Variants in ANKFN1 observed in about 807,000 individuals in gnomAD.
ANKFN1 encodes ankyrin repeat and fibronectin type III domain containing 1.
In ANKFN1, 74 loss-of-function variants were observed where a neutral mutation model predicts 108.7. The observed-to-expected ratio is 0.68, with a 90% CI of 0.56 to 0.83. The LOEUF (loss-of-function observed/expected upper bound fraction) is 0.83, where lower values mean the gene tolerates loss of function less well. ANKFN1 is among the 40% of genes least tolerant of loss of function. The pLI is 0.00. For synonymous variants in ANKFN1, 547 were observed against 516.2 expected, an observed-to-expected ratio of 1.06 and a Z score of -0.81; for missense variants, 1,505 against 1,382.3, an observed-to-expected ratio of 1.09 and a Z score of -1.41.
intron 15 of ANKFN1, chr17:56,473,647 CAAAAAAAAAAAAAA>C (rs956559502): frequency 1.0e-4 from 5 of 47,838 alleles, no homozygotes; most frequent in Admixed American, 8.0e-4. Context: ...GACTCCGTCT[CAAAAAAAAAAAAAA>C]AAAAAAAAAA....
rs146788562 is a variant in ANKFN1, at chr17:56,283,712, A to G, written c.54-42509A>G. Among the ~76,000 whole-genome samples the G allele has an allele frequency of 2.7e-4, 41 of 151,762 alleles. No individual in the cohort carries two copies. The East Asian group carries it at 8.0e-3, about 30-fold the overall frequency. On this transcript the variant is annotated intron_variant, in intron 3 of 20. Coordinates refer to ENST00000682825, the MANE Select transcript of ANKFN1 (RefSeq NM_001370326.1). ...ATGAGGATGCAAAGGCATAAGAATG[A>G]TTCAATGGACTTGGGAGACCTCAGG...
chr17:56,211,524 T>C (rs138218564), intron 1 of ANKFN1, among the ~76,000 whole-genome samples: 103 of 152,344 alleles, frequency 6.8e-4, no homozygotes, highest in Non-Finnish European at 1.2e-3. Flanking sequence ...TACTATAGTT[T>C]GAAGTCAGGT....
At position 56,085,806 on chromosome 17, in the gene ANKFN1, C is replaced by G. The variant is rs1357073310; in HGVS notation, c.288+39481C>G. Among the ~76,000 whole-genome samples the G allele has an allele frequency of 2.6e-5, 4 of 151,328 alleles. 1 individual carries two copies. Among genetic ancestry groups the G allele is most frequent in the Non-Finnish European group, 5.9e-5 (4 of 67,766 alleles). On this transcript the variant is annotated intron_variant, in intron 4 of 12. Transcript: ENST00000635860. The stretch of plus-strand genomic sequence containing the variant: ...GTCCCCACCACATGATGATGTCATT[C>G]TTGAGGGAGGCAGCTGGTTTACCAG...
intron 4 of ANKFN1, among the ~76,000 whole-genome samples, chr17:56,072,815 G>A (rs1905135587): frequency 6.6e-6 from 1 of 152,100 alleles, no homozygotes; most frequent in African/African-American, 2.4e-5. Flanking sequence ...GTGCAGATGA[G>A]GAGAGGAGAA....
intron 8 of ANKFN1, among the ~76,000 whole-genome samples, chr17:56,427,467 A>G (rs1016623194): frequency 6.6e-6 from 1 of 152,084 alleles, no homozygotes; most frequent in Non-Finnish European, 1.5e-5. Flanking sequence ...TGCCACATGT[A>G]GCTGATATGA....
At chr17:56,377,210 G>A (rs540108178) in intron 8 of ANKFN1, among the ~76,000 whole-genome samples, 1 of 152,132 alleles carries the variant, frequency 6.6e-6, no homozygotes, top group South Asian at 2.1e-4. Flanking sequence ...CTTAAGCTAG[G>A]GTGTATTTCA....
At chr17:56,168,139 T>C (rs1256249119) in intron 1 of ANKFN1, among the ~76,000 whole-genome samples, 2 of 152,058 alleles carry the variant, frequency 1.3e-5, no homozygotes, top group East Asian at 1.9e-4. Flanking sequence ...TGGTGGTGCA[T>C]GCCTGTAGTC....
At chr17:56,158,125 A>C (rs1281314725) in intron 1 of ANKFN1, among the ~76,000 whole-genome samples, 1 of 152,182 alleles carries the variant, frequency 6.6e-6, no homozygotes, top group Non-Finnish European at 1.5e-5. Flanking sequence ...CTTGCTGGGA[A>C]TGCTTCAGCC....
chr17:56,467,826 GAAAGAAAGAAAGAAAGAAAGAAAGAA>G (rs1367754629), intron 15 of ANKFN1, among the ~76,000 whole-genome samples: 9,780 of 63,128 alleles, frequency 0.15, 682 homozygotes, highest in East Asian at 0.25. Flanking sequence ...AAGAAAGAAA[GAAAGAAAGAAAGAAAGAAAGAAAGAA>G]AAAGGGAAAG....
intron 4 of ANKFN1, among the ~76,000 whole-genome samples, chr17:56,331,918 G>A (rs1036187997): frequency 9.9e-5 from 15 of 152,124 alleles, no homozygotes; most frequent in Admixed American, 6.6e-4. Context: ...AACTGAAATA[G>A]CACTTGCTTC....
intron 2 of ANKFN1, among the ~76,000 whole-genome samples, chr17:56,226,149 T>G (rs1413548210): frequency 1.3e-5 from 2 of 152,114 alleles, no homozygotes; most frequent in African/African-American, 4.8e-5. Flanking sequence ...TGTGTCAGGT[T>G]GTGATCAGAA....
upstream of ANKFN1, among the ~76,000 whole-genome samples, chr17:56,150,764 A>T (rs1467358531): frequency 6.6e-6 from 1 of 152,058 alleles, no homozygotes; most frequent in Admixed American, 6.6e-5. Context: ...CAAGACTCTC[A>T]TTCCATGATG....
At chr17:56,181,403 G>A (rs8069281) in intron 1 of ANKFN1, among the ~76,000 whole-genome samples, 2 of 152,154 alleles carry the variant, frequency 1.3e-5, no homozygotes, top group African/African-American at 4.8e-5. Flanking sequence ...TATATAAATA[G>A]TGTGTCATTT....
At chr17:56,501,213 G>A (rs962597348) in intron 20 of ANKFN1, among the ~76,000 whole-genome samples, 4 of 152,192 alleles carry the variant, frequency 2.6e-5, no homozygotes, top group Admixed American at 6.6e-5. Flanking sequence ...AGGGTAGAGA[G>A]CAAGACAGAA....
intron 13 of ANKFN1, 73 bp downstream of exon 13, chr17:56,457,462 G>C: frequency 1.4e-6 from 2 of 1,443,798 alleles, no homozygotes; most frequent in Non-Finnish European, 9.3e-7. Flanking sequence ...TGAAACATTA[G>C]TTGAGGGGTC....
At chr17:56,088,583 G>T (rs1905357119) in intron 4 of ANKFN1, among the ~76,000 whole-genome samples, 1 of 150,500 alleles carries the variant, frequency 6.6e-6, no homozygotes, top group Non-Finnish European at 1.5e-5. Context: ...TACTGCATAG[G>T]CCCTGTCTCC....
chr17:56,078,788 G>A (rs1905211431), intron 4 of ANKFN1, among the ~76,000 whole-genome samples: 1 of 152,210 alleles, frequency 6.6e-6, no homozygotes, highest in Non-Finnish European at 1.5e-5. Flanking sequence ...TCCAGAAGCT[G>A]TGTGGGAACA....
At position 56,204,759 on chromosome 17, in the gene ANKFN1, A is replaced by G. The variant is rs112068055; in HGVS notation, c.-70-7839A>G. Reference sequence around the variant, plus strand: ...GCCCCTGTACCTCCTCCCCATCCGTAATCCCAGCACCACTGGTTTTAAAAA... The same window carrying G: ...GCCCCTGTACCTCCTCCCCATCCGTGATCCCAGCACCACTGGTTTTAAAAA... On this transcript the variant is annotated intron_variant, in intron 1 of 20. Coordinates refer to ENST00000682825, the MANE Select transcript of ANKFN1 (RefSeq NM_001370326.1). Among the ~76,000 whole-genome samples the G allele has an allele frequency of 8.1e-3, 1,232 of 152,250 alleles. 16 individuals carry two copies. Among genetic ancestry groups the G allele is most frequent in the African/African-American group, 0.027 (1,136 of 41,544 alleles).
chr17:56,335,437 C>T (rs2045780038), intron 4 of ANKFN1, among the ~76,000 whole-genome samples: 1 of 152,124 alleles, frequency 6.6e-6, no homozygotes, highest in South Asian at 2.1e-4. Context: ...CCCTTCACTT[C>T]CCTTGTAAGT....
Sources: allele counts gnomAD v4.1 joint callset (sites outside exome capture counted in the v4.1 genomes callset), GRCh38; gene constraint gnomAD v4.1.1; transcripts MANE v1.5; gene names NCBI Gene and HGNC (gene_info 2026-07-23, HGNC 2026-07-21).